The following STK32B variants were observed in gnomAD, a reference collection of about 807,000 sequenced individuals.
STK32B encodes the protein serine/threonine-protein kinase 32B.
In STK32B, 43 loss-of-function variants were observed where a neutral mutation model predicts 52.6. That is an observed-to-expected ratio of 0.82 (90% CI 0.64 to 1.05). STK32B has a LOEUF of 1.05. Among genes scored for constraint, STK32B ranks in the 50% least tolerant of loss-of-function variants. The pLI is 0.00. For synonymous variants in STK32B, 238 were observed against 204.3 expected (o/e 1.17, Z -1.41); for missense variants, 621 against 534.6 (o/e 1.16, Z -1.59).
intron 3 of STK32B, among the ~76,000 whole-genome samples, chr4:5,255,599 T>G (rs1458510208): frequency 6.6e-6 from 1 of 152,148 alleles, no homozygotes; most frequent in East Asian, 1.9e-4. Flanking sequence ...ACCAAGAGGC[T>G]ACTACTGCTA....
chr4:5,243,645 C>T (rs1725209608), intron 3 of STK32B, among the ~76,000 whole-genome samples: 1 of 152,112 alleles, frequency 6.6e-6, no homozygotes, highest in Non-Finnish European at 1.5e-5. Context: ...GAGGGTATCC[C>T]TGTCTTGTGC....
chr4:5,053,004 A>G (rs1290283884), intron 1 of STK32B, among the ~76,000 whole-genome samples: 2 of 152,170 alleles, frequency 1.3e-5, no homozygotes, highest in Non-Finnish European at 2.9e-5. Flanking sequence ...TCTGCTTTGA[A>G]AGCTGTGCCT....
chr4:5,184,902 G>C (rs1720628925), intron 3 of STK32B, among the ~76,000 whole-genome samples: 1 of 151,666 alleles, frequency 6.6e-6, no homozygotes, highest in African/African-American at 2.4e-5. Flanking sequence ...GATCTGCTAA[G>C]TGCTGTCAAG....
intron 1 of STK32B, among the ~76,000 whole-genome samples, chr4:5,113,307 G>C (rs1446277848): frequency 6.6e-6 from 1 of 152,120 alleles, no homozygotes; most frequent in African/African-American, 2.4e-5. Flanking sequence ...CGTTGAATCT[G>C]CCATGCCTTG....
intron 1 of STK32B, among the ~76,000 whole-genome samples, chr4:5,091,725 G>A (rs1215909288): frequency 6.6e-6 from 1 of 152,188 alleles, no homozygotes; most frequent in African/African-American, 2.4e-5. Context: ...GGTATATGCT[G>A]AAGAGAATTG....
intron 3 of STK32B, among the ~76,000 whole-genome samples, chr4:5,276,860 A>C (rs180868489): frequency 2.0e-5 from 3 of 152,208 alleles, no homozygotes; most frequent in Admixed American, 2.0e-4. Flanking sequence ...TTTTTGCCTC[A>C]GCACTGAATT....
At chr4:5,117,475 G>T (rs1301646719) in intron 1 of STK32B, among the ~76,000 whole-genome samples, 1 of 151,740 alleles carries the variant, frequency 6.6e-6, no homozygotes, top group Non-Finnish European at 1.5e-5. Context: ...AATTTTCCTT[G>T]TACTTGTAAT....
chr4:5,474,926 G>C (rs189154170), intron 11 of STK32B, among the ~76,000 whole-genome samples: 4 of 152,300 alleles, frequency 2.6e-5, no homozygotes, highest in Admixed American at 2.6e-4. Context: ...GATTGAGCAA[G>C]GCAGGGCCGA....
intron 3 of STK32B, among the ~76,000 whole-genome samples, chr4:5,311,630 C>G (rs913730446): frequency 3.9e-5 from 6 of 152,056 alleles, no homozygotes; most frequent in Non-Finnish European, 1.5e-5. Context: ...AGCCATTAAA[C>G]AGATAAAGAG....
At chr4:5,040,082 A>T in the STK32B span, among the ~76,000 whole-genome samples, 1 of 152,254 alleles carries the variant, frequency 6.6e-6, no homozygotes, top group South Asian at 2.1e-4. Context: ...GTGGTAGGAG[A>T]TGCGGTCGGT....
chr4:5,340,325 C>T (rs1024739527), intron 4 of STK32B, among the ~76,000 whole-genome samples: 2 of 152,060 alleles, frequency 1.3e-5, no homozygotes, highest in South Asian at 2.1e-4. Flanking sequence ...GGGCAGGGGC[C>T]GAGTTGGCAA....
chr4:5,364,766 G>C (rs182514209), intron 4 of STK32B, among the ~76,000 whole-genome samples: 1 of 152,248 alleles, frequency 6.6e-6, no homozygotes, highest in African/African-American at 2.4e-5. Context: ...TGCTACTCCA[G>C]TCCCAACCCA....
intron 11 of STK32B, among the ~76,000 whole-genome samples, chr4:5,486,977 T>C (rs183369332): frequency 5.3e-5 from 8 of 152,224 alleles, no homozygotes; most frequent in Non-Finnish European, 1.2e-4. Flanking sequence ...AGTCTTAGAA[T>C]TGCAGCAGGT....
chr4:5,250,742 T>G (rs1725870136), intron 3 of STK32B, among the ~76,000 whole-genome samples: 1 of 152,252 alleles, frequency 6.6e-6, no homozygotes, highest in Non-Finnish European at 1.5e-5. Context: ...TTTTGACTTT[T>G]TAATAATAGC....
At chr4:5,408,976 C>G (rs957138933) in intron 5 of STK32B, among the ~76,000 whole-genome samples, 3 of 152,098 alleles carry the variant, frequency 2.0e-5, no homozygotes, top group African/African-American at 7.2e-5. Flanking sequence ...GTGAAACCTA[C>G]CTGGGGCTTG....
intron 1 of STK32B, among the ~76,000 whole-genome samples, chr4:5,055,548 C>A (rs1303072310): frequency 6.6e-6 from 1 of 152,190 alleles, no homozygotes; most frequent in Non-Finnish European, 1.5e-5. Context: ...AGCCCACCCT[C>A]AAATCCTCCC....
chr4:5,022,858 G>T, the STK32B span, among the ~76,000 whole-genome samples: 1 of 152,142 alleles, frequency 6.6e-6, no homozygotes. Context: ...ATTGATGAGG[G>T]CAGCTGACAC....
chr4:5,315,667 T>C (rs1730623222), intron 3 of STK32B, among the ~76,000 whole-genome samples: 1 of 125,194 alleles, frequency 8.0e-6, no homozygotes, highest in South Asian at 2.4e-4. Flanking sequence ...TTGAGTATTT[T>C]TTCTTTTTCT....
At chr4:5,423,336 A>G (rs1172186569) in intron 6 of STK32B, among the ~76,000 whole-genome samples, 1 of 152,116 alleles carries the variant, frequency 6.6e-6, no homozygotes, top group African/African-American at 2.4e-5. Context: ...ACTTACCATG[A>G]TGAACACTCA....
Sources: gnomAD v4.1 joint callset for allele counts (sites outside exome capture counted in the v4.1 genomes callset) on GRCh38, gnomAD v4.1.1 for gene constraint, MANE v1.5 for transcripts, NCBI Gene and HGNC (gene_info 2026-07-23, HGNC 2026-07-21) for gene names.